The following SMAD9 variants were observed in gnomAD, a reference collection of about 807,000 sequenced individuals.
SMAD9 encodes the protein SMAD family member 9, also known as MAD homolog 9.
A neutral mutation model predicts 46.1 loss-of-function variants in SMAD9; 36 were observed. The observed-to-expected ratio is 0.78, with a 90% confidence interval of 0.60 to 1.03. The LOEUF is 1.03. SMAD9 is among the 50% of genes least tolerant of loss of function. The pLI is 0.00. For missense variants in SMAD9, 572 were observed against 599.8 expected (o/e 0.95, Z 0.48); for synonymous variants, 245 against 237.1 (o/e 1.03, Z -0.31).
intron 6 of SMAD9, 96 bp downstream of exon 6, chr13:36,853,323 G>T: frequency 8.3e-7 from 1 of 1,201,848 alleles, no homozygotes; most frequent in Non-Finnish European, 1.2e-6. Flanking sequence ...TTGTCTATCA[G>T]AATTGACCGC....
intron 1 of SMAD9, among the ~76,000 whole-genome samples, chr13:36,919,180 C>T (rs1172774273): frequency 1.3e-5 from 2 of 152,168 alleles, no homozygotes; most frequent in African/African-American, 4.8e-5. Context: ...GTAGTATTTC[C>T]AAACTATCAC....
intron 6 of SMAD9, chr13:36,849,830 C>G (rs1280166944): frequency 6.6e-6 from 1 of 152,174 alleles, no homozygotes; most frequent in Non-Finnish European, 1.5e-5. Flanking sequence ...ACTCTCAGAC[C>G]TGCCTTCCCA....
intron 1 of SMAD9, among the ~76,000 whole-genome samples, chr13:36,898,531 C>T (rs921634175): frequency 5.3e-5 from 8 of 152,026 alleles, no homozygotes; most frequent in African/African-American, 1.9e-4. Context: ...GCAAATCACA[C>T]CCAGCAGTAT....
chr13:36,913,899 A>G (rs771915300), intron 1 of SMAD9, among the ~76,000 whole-genome samples: 1 of 152,220 alleles, frequency 6.6e-6, no homozygotes, highest in Non-Finnish European at 1.5e-5. Flanking sequence ...GGCTTCTAAT[A>G]ATCACTTATG....
upstream of SMAD9, chr13:36,920,268 G>C (rs2058735586): frequency 4.0e-5 from 6 of 149,744 alleles, no homozygotes; most frequent in South Asian, 1.1e-3. Context: ...GCCCGTATTA[G>C]TGCGCCGACC....
chr13:36,899,923 T>A (rs1288516046), intron 1 of SMAD9, among the ~76,000 whole-genome samples: 1 of 152,160 alleles, frequency 6.6e-6, no homozygotes. Context: ...TCACAATCTT[T>A]CCCTGCTCCA....
chr13:36,893,210 G>C (rs1259805515), intron 1 of SMAD9, among the ~76,000 whole-genome samples: 1 of 151,820 alleles, frequency 6.6e-6, no homozygotes, highest in Admixed American at 6.6e-5. Flanking sequence ...CCAATTCATT[G>C]GATCTCAACC....
chr13:36,874,504 A>T (rs566022153), intron 2 of SMAD9, among the ~76,000 whole-genome samples: 8 of 152,274 alleles, frequency 5.3e-5, no homozygotes, highest in African/African-American at 1.7e-4. Context: ...ACAAATACAA[A>T]CTATGAACTA....
At chr13:36,891,093 C>T (rs988924169) in intron 1 of SMAD9, among the ~76,000 whole-genome samples, 2 of 152,210 alleles carry the variant, frequency 1.3e-5, no homozygotes, top group South Asian at 2.1e-4. Context: ...TCCTCCTTCC[C>T]GCTTTGGTCC....
intron 1 of SMAD9, among the ~76,000 whole-genome samples, chr13:36,919,294 C>A (rs775670408): frequency 1.3e-5 from 2 of 152,102 alleles, no homozygotes; most frequent in Non-Finnish European, 2.9e-5. Context: ...CTCCTCCTTC[C>A]GATCACAAAG....
chr13:36,919,689 G>A (rs1370845462), intron 1 of SMAD9, among the ~76,000 whole-genome samples: 3 of 132,104 alleles, frequency 2.3e-5, no homozygotes, highest in Non-Finnish European at 3.2e-5. Flanking sequence ...GCCCCGACCC[G>A]ACCGCCGCCC....
intron 1 of SMAD9, among the ~76,000 whole-genome samples, chr13:36,899,570 G>A (rs552538052): frequency 6.6e-6 from 1 of 152,264 alleles, no homozygotes; most frequent in African/African-American, 2.4e-5. Flanking sequence ...GAAGTCGGGG[G>A]TAACACAGAT....
At chr13:36,915,515 C>A (rs1415032948) in intron 1 of SMAD9, among the ~76,000 whole-genome samples, 3 of 151,916 alleles carry the variant, frequency 2.0e-5, no homozygotes, top group Non-Finnish European at 2.9e-5. Context: ...ACCAGTGAAT[C>A]AGCTAATCAG....
At chr13:36,910,996 G>A (rs1163507063) in intron 1 of SMAD9, among the ~76,000 whole-genome samples, 1 of 152,044 alleles carries the variant, frequency 6.6e-6, no homozygotes, top group Non-Finnish European at 1.5e-5. Flanking sequence ...ATTAACTATT[G>A]TATTATTAAT....
At chr13:36,892,214 G>C (rs1275361581) in intron 1 of SMAD9, among the ~76,000 whole-genome samples, 1 of 152,124 alleles carries the variant, frequency 6.6e-6, no homozygotes, top group African/African-American at 2.4e-5. Context: ...AAGTCACGGA[G>C]GATACATATC....
intron 1 of SMAD9, among the ~76,000 whole-genome samples, chr13:36,887,030 C>G (rs2058451212): frequency 7.0e-6 from 1 of 142,100 alleles, no homozygotes; most frequent in African/African-American, 2.6e-5. Flanking sequence ...AAAGGGGAGC[C>G]TTTGAATGGG....
At chr13:36,916,994 A>C (rs892958858) in intron 1 of SMAD9, among the ~76,000 whole-genome samples, 1 of 152,074 alleles carries the variant, frequency 6.6e-6, no homozygotes, top group Non-Finnish European at 1.5e-5. Flanking sequence ...GACCGGGAAG[A>C]TAAGCCTGGA....
intron 1 of SMAD9, among the ~76,000 whole-genome samples, chr13:36,912,295 G>A (rs920477911): frequency 6.6e-6 from 1 of 152,186 alleles, no homozygotes; most frequent in Non-Finnish European, 1.5e-5. Context: ...TTAGGGAAGA[G>A]AAAGGTGGGA....
intron 6 of SMAD9, chr13:36,852,350 C>T (rs2058081428): frequency 1.1e-5 from 11 of 985,132 alleles, no homozygotes; most frequent in South Asian, 9.4e-5. Flanking sequence ...ACACATACCC[C>T]GATACTTTGA....
Sources: gnomAD v4.1 joint callset for allele counts (sites outside exome capture counted in the v4.1 genomes callset) on GRCh38, gnomAD v4.1.1 for gene constraint, MANE v1.5 for transcripts, NCBI Gene and HGNC (gene_info 2026-07-23, HGNC 2026-07-21) for gene names.